Variants in FLYWCH1 observed in about 807,000 individuals in gnomAD.
FLYWCH1 encodes the protein FLYWCH-type zinc finger-containing protein 1.
A neutral mutation model predicts 66.4 loss-of-function variants in FLYWCH1; 75 were observed. The observed-to-expected ratio is 1.13, with a 90% CI of 0.94 to 1.37. FLYWCH1 has a LOEUF of 1.37. Ranked by LOEUF, FLYWCH1 falls within the 40% of genes most tolerant of loss-of-function variation. The pLI is 0.00. For synonymous variants in FLYWCH1, 595 were observed against 429.9 expected, an observed-to-expected ratio of 1.38 and a Z score of -4.75; for missense variants, 1,334 against 1,001.8, an observed-to-expected ratio of 1.33 and a Z score of -4.48.
chr16:2,944,777 G>T (rs1156783753), intron 9 of FLYWCH1, among the ~76,000 whole-genome samples: 2 of 151,214 alleles, frequency 1.3e-5, no homozygotes, highest in African/African-American at 4.9e-5. Flanking sequence ...AGCTGAGATG[G>T]TGCCACTGCC....
At chr16:2,937,465 G>A in intron 7 of FLYWCH1, 81 bp downstream of exon 7, 1 of 1,422,590 alleles carries the variant, frequency 7.0e-7, no homozygotes, top group Admixed American at 2.6e-5. Flanking sequence ...GCTGCCCGTG[G>A]GGTGTTGTGT....
chr16:2,920,966 C>T (rs947928548), intron 2 of FLYWCH1, among the ~76,000 whole-genome samples: 3 of 151,560 alleles, frequency 2.0e-5, no homozygotes, highest in African/African-American at 7.3e-5. Flanking sequence ...CTCAGCCTTC[C>T]GAGTAGCTGG....
At chr16:2,928,284 T>G (rs1470220874) in intron 2 of FLYWCH1, among the ~76,000 whole-genome samples, 1 of 152,072 alleles carries the variant, frequency 6.6e-6, no homozygotes, top group African/African-American at 2.4e-5. Context: ...CCTCTTTCAC[T>G]CCTCCTCCTC....
intron 1 of FLYWCH1, among the ~76,000 whole-genome samples, chr16:2,912,584 G>C (rs1357405733): frequency 6.6e-6 from 1 of 152,160 alleles, no homozygotes; most frequent in African/African-American, 2.4e-5. Context: ...TTGACCCACA[G>C]CCGACACTGA....
intron 7 of FLYWCH1, 104 bp downstream of exon 7, chr16:2,937,488 GGTC>G (rs2071063597): frequency 1.5e-6 from 2 of 1,323,154 alleles, no homozygotes; most frequent in African/African-American, 3.3e-5. Flanking sequence ...TGTGCATGGT[GGTC>G]TGACAGCCGG....
chr16:2,945,813 T>C (rs9921131), intron 9 of FLYWCH1, among the ~76,000 whole-genome samples: 4,782 of 151,866 alleles, frequency 0.031, 101 homozygotes, highest in African/African-American at 0.06. Context: ...CTGGCTAACA[T>C]GGTGAAATCC....
intron 2 of FLYWCH1, among the ~76,000 whole-genome samples, chr16:2,918,012 A>G (rs1231750849): frequency 6.8e-6 from 1 of 146,316 alleles, no homozygotes; most frequent in African/African-American, 2.5e-5. Flanking sequence ...TAATTTTTGT[A>G]TTTTTTGGAA....
At chr16:2,924,789 G>GT (rs2070499019) in intron 2 of FLYWCH1, among the ~76,000 whole-genome samples, 1 of 152,240 alleles carries the variant, frequency 6.6e-6, no homozygotes, top group South Asian at 2.1e-4. Context: ...ACGGGCAAGA[G>GT]TGGGAACGGG....
chr16:2,921,014 TG>T (rs1240112995), intron 2 of FLYWCH1, among the ~76,000 whole-genome samples: 2 of 151,986 alleles, frequency 1.3e-5, no homozygotes, highest in Non-Finnish European at 2.9e-5. Context: ...GTTAATTTTT[TG>T]TGTTTTTAGT....
rs1191822682 is a variant in FLYWCH1, at chr16:2,937,301, A to C, written c.1694A>C (p.His565Pro). ...QGRRVMVMRR[H>P]CHPPDLGGLE... ...CGGCGGGTCATGGTCATGCGCAGGCACTGCCACCCACCGGACCTGGGCGGC... is the reference window on the plus strand; with the variant it reads ...CGGCGGGTCATGGTCATGCGCAGGCCCTGCCACCCACCGGACCTGGGCGGC... The change falls in exon 7 of 10, where the codon CAC becomes CCC. Residue 565 changes from histidine (H) to proline (P), a missense_variant. Transcript: ENST00000253928. 2 of 1,604,150 alleles carry C rather than the reference A, an allele frequency of 1.2e-6. No individual in the cohort carries two copies. Among genetic ancestry groups the C allele is most frequent in the East Asian group, 4.5e-5 (2 of 44,494 alleles).
chr16:2,933,418 T>A lies in FLYWCH1; in HGVS notation c.1085T>A (p.Val362Glu). The change falls in exon 5 of 10, where the codon GTG becomes GAG. Residue 362 changes from valine (V) to glutamate (E), a missense_variant. Val to Glu is a moderately radical substitution (Grantham distance 121, BLOSUM62 -2). Coordinates refer to ENST00000253928, the MANE Select transcript of FLYWCH1 (RefSeq NM_001308068.2). The part of the protein sequence containing the change: ...QAGQDGPGSQ[V>E]DTLLRGVDSL... ...GGGCAGGACGGCCCTGGGAGCCAAG[T>A]GGACACGCTGCTCCGAGGCGTGGAT... 6.2e-7 allele frequency: 1 copy of A among 1,601,468 alleles called. No individual in the cohort carries two copies. The highest frequency in any genetic ancestry group is 1.1e-5 in the South Asian group (1 of 89,332).
chr16:2,912,810 C>G (rs1206027942), intron 1 of FLYWCH1, among the ~76,000 whole-genome samples: 2 of 152,220 alleles, frequency 1.3e-5, no homozygotes, highest in Non-Finnish European at 2.9e-5. Context: ...GCTCTAAACC[C>G]TGCCTGTTGT....
In FLYWCH1 at chr16:2,937,131, G is replaced by C. The variant is rs746803090; in HGVS notation, c.1524G>C (p.Glu508Asp). The change falls in exon 7 of 10, where the codon GAG becomes GAC. Residue 508 changes from glutamate (E) to aspartate (D), a missense_variant. Coordinates refer to ENST00000253928, the MANE Select transcript of FLYWCH1 (RefSeq NM_001308068.2). The part of the protein sequence containing the change: ...TAQRGSPGGP[E>D]FLKTPLGGSF... ...CCCATTTCTCAACAGGAGGCCCCGA[G>C]TTCCTGAAGACGCCCCTGGGGGGCA... 2.9e-5 allele frequency: 25 copies of C among 866,566 alleles called. No individual in the cohort carries two copies. The highest frequency in any genetic ancestry group is 5.5e-5 in the African/African-American group (2 of 36,084). 53.7% of individuals were successfully genotyped at this position (866,566 alleles called of 1,614,324 possible). A position where few individuals can be genotyped will look rare whatever the true frequency, so the allele number is the denominator to read the frequency against.
chr16:2,937,965 A>C (rs117022069), intron 7 of FLYWCH1, among the ~76,000 whole-genome samples: 4,483 of 152,250 alleles, frequency 0.029, 100 homozygotes, highest in Middle Eastern at 0.085. Flanking sequence ...AGTGCTTGCC[A>C]GGCCACGTGC....
At position 2,941,612 on chromosome 16, in the gene FLYWCH1, C is replaced by A. The variant is rs546797237; in HGVS notation, c.2111+1520C>A. On this transcript the variant is annotated intron_variant, in intron 9 of 9. Coordinates refer to ENST00000253928, the MANE Select transcript of FLYWCH1 (RefSeq NM_001308068.2). The stretch of plus-strand genomic sequence containing the variant: ...ATAAACAGGGCCAAGCATGGTGGCT[C>A]ACACCTGTAATCCTAGCATTTTGGG... Among the ~76,000 whole-genome samples the A allele has an allele frequency of 6.0e-4, 91 of 151,338 alleles. 1 individual carries two copies. The highest frequency in any genetic ancestry group is 1.6e-3 in the Admixed American group (24 of 15,142).
rs1351380066 is a variant in FLYWCH1, at chr16:2,933,119, C to G, written c.797-11C>G. 13 of 1,608,072 alleles carry G rather than the reference C, an allele frequency of 8.1e-6. No individual in the cohort carries two copies. The highest frequency in any genetic ancestry group is 1.1e-5 in the Non-Finnish European group (13 of 1,176,712). ...CCCCTGGTGATGTGACCACTTGGGT[C>G]TCTCCTCTAGGACAGGCCCGGCCCC... On this transcript the variant is annotated splice_polypyrimidine_tract_variant and intron_variant, in intron 4 of 9. Transcript: ENST00000253928.
At chr16:2,941,549 C>T (rs2071261718) in intron 9 of FLYWCH1, among the ~76,000 whole-genome samples, 1 of 151,562 alleles carries the variant, frequency 6.6e-6, no homozygotes, top group Non-Finnish European at 1.5e-5. Flanking sequence ...CACTGCACTC[C>T]AGCCTGGGAG....
At chr16:2,940,158 C>G in intron 9 of FLYWCH1, 66 bp downstream of exon 9, 1 of 787,246 alleles carries the variant, frequency 1.3e-6, no homozygotes, top group South Asian at 1.5e-5. Flanking sequence ...CTTAAAACAA[C>G]AAATATTTGC....
intron 2 of FLYWCH1, among the ~76,000 whole-genome samples, chr16:2,923,422 T>G (rs1181460699): frequency 6.6e-6 from 1 of 152,150 alleles, no homozygotes; most frequent in Non-Finnish European, 1.5e-5. Context: ...AATTTTTGTA[T>G]TTTTAGTAGA....
Sources: allele counts gnomAD v4.1 joint callset (sites outside exome capture counted in the v4.1 genomes callset), GRCh38; gene constraint gnomAD v4.1.1; transcripts MANE v1.5; gene names NCBI Gene and HGNC (gene_info 2026-07-23, HGNC 2026-07-21).